The following BTK variants were observed in gnomAD, a reference collection of about 807,000 sequenced individuals.
BTK encodes the protein Bruton tyrosine kinase.
BTK carries 5 observed loss-of-function variants against 57.4 expected under a neutral mutation model. The ratio of observed to expected loss-of-function variants is 0.09; its 90% CI spans 0.05 to 0.18. The LOEUF (loss-of-function observed/expected upper bound fraction) is 0.18. Ranked by LOEUF, BTK falls within the 10% of genes least tolerant of loss-of-function variation. The probability of loss-of-function intolerance (pLI) is 1.00; values close to 1 mark genes in which losing one functional copy is unlikely to be tolerated. For missense variants in BTK, 194 were observed against 501.2 expected, an observed-to-expected ratio of 0.39 and a Z score of 5.85; for synonymous variants, 154 against 174.3, an observed-to-expected ratio of 0.88 and a Z score of 0.92.
In BTK at chrX:101,358,032, G is replaced by A. The variant is rs1555978078; in HGVS notation, c.1102+278C>T. 13 of 458,242 alleles carry A rather than the reference G, an allele frequency of 2.8e-5. No individual in the cohort carries two copies. In the Middle Eastern group the frequency reaches 1.4e-3, roughly 49 times the overall value. The allele number at this position is 458,242 out of a possible 1,213,427, so 37.8% of individuals were successfully genotyped here. ...AACTGAGGAAATCGCTGAGTACACA[G>A]TAGGAACTCAATGAATACTTGCTGA... is the stretch of plus-strand genomic sequence containing the variant. On this transcript the variant is annotated intron_variant, in intron 12 of 18. Transcript: ENST00000308731.
At chrX:101,352,899 CAAAA>C (rs60191867) in intron 18 of BTK, 162 of 167,832 alleles carry the variant, frequency 9.7e-4, no homozygotes, top group Middle Eastern at 4.4e-3. Flanking sequence ...ACTGTGTCAC[CAAAA>C]AAAAAAAAAA....
At chrX:101,379,417 G>A (rs1555981478) in intron 1 of BTK, among the ~76,000 whole-genome samples, 1 of 111,600 alleles carries the variant, frequency 9.0e-6, no homozygotes, top group Admixed American at 9.5e-5. Context: ...TAGGGGGATG[G>A]AATGGAACTT....
At chrX:101,387,312 T>TCCCCTCA (rs1249333909), upstream of BTK, among the ~76,000 whole-genome samples, 68 of 101,109 alleles carry the variant, frequency 6.7e-4, no homozygotes, top group Non-Finnish European at 1.2e-3. Context: ...CTAAGATCCC[T>TCCCCTCA]CCCCTCACCC....
intron 6 of BTK, 99 bp downstream of exon 6, chrX:101,362,462 G>A: frequency 1.7e-6 from 2 of 1,163,131 alleles, no homozygotes; most frequent in East Asian, 3.0e-5. Context: ...AGCACCCAAA[G>A]TGTACAACCT....
intron 1 of BTK, among the ~76,000 whole-genome samples, chrX:101,385,843 G>A (rs1395912548): frequency 9.0e-6 from 1 of 111,159 alleles, no homozygotes; most frequent in Non-Finnish European, 1.9e-5. Context: ...TTCTCTTCCT[G>A]TTCCGCCCAC....
chrX:101,389,367 G>A (rs1298354113), upstream of BTK, among the ~76,000 whole-genome samples: 1 of 111,899 alleles, frequency 8.9e-6, no homozygotes, highest in Non-Finnish European at 1.9e-5. Flanking sequence ...CATGTTCACG[G>A]TCTTCATATT....
intron 16 of BTK, 114 bp from the exon 17 acceptor site, chrX:101,354,102 TCTC>T: frequency 1.7e-6 from 1 of 580,875 alleles, no homozygotes; most frequent in Non-Finnish European, 3.0e-6. Flanking sequence ...CTCAAAAGTC[TCTC>T]CTCCTCAACT....
At chrX:101,360,455 G>T (rs915333256) in intron 8 of BTK, 113 bp downstream of exon 8, 23 of 840,996 alleles carry the variant, frequency 2.7e-5, no homozygotes, top group South Asian at 2.4e-4. Flanking sequence ...TCAGTCTGGT[G>T]TGGGAAGAAC....
At chrX:101,350,449 G>GTT (rs1255601719) in intron 18 of BTK, among the ~76,000 whole-genome samples, 9 of 73,957 alleles carry the variant, frequency 1.2e-4, no homozygotes, top group African/African-American at 2.0e-4. Context: ...AAAGACTAAG[G>GTT]TTTTTTTTTT....
At chrX:101,355,529 T>C (rs1334191571) in intron 15 of BTK, 2 of 129,114 alleles carry the variant, frequency 1.5e-5, no homozygotes, top group Non-Finnish European at 3.1e-5. Flanking sequence ...CGTGAGAATG[T>C]GGACCTGGTA....
chrX:101,363,099 T>G (rs1926724849), intron 5 of BTK, among the ~76,000 whole-genome samples: 1 of 112,281 alleles, frequency 8.9e-6, no homozygotes, highest in African/African-American at 3.2e-5. Flanking sequence ...CTCAGTTCCT[T>G]GAGTGATCTT....
At chrX:101,361,900 A>T (rs1435027507) in intron 7 of BTK, among the ~76,000 whole-genome samples, 3 of 112,796 alleles carry the variant, frequency 2.7e-5, no homozygotes, top group African/African-American at 9.7e-5. Context: ...GTCTCAAAAC[A>T]AAAACAAAAG....
intron 18 of BTK, among the ~76,000 whole-genome samples, chrX:101,352,031 C>T (rs1464382547): frequency 4.6e-5 from 5 of 109,063 alleles, no homozygotes; most frequent in Admixed American, 2.0e-4. Context: ...GGCGTGGTGG[C>T]GGGCCCCTGT....
upstream of BTK, chrX:101,390,606 T>G: frequency 2.0e-6 from 1 of 509,507 alleles, no homozygotes; most frequent in Non-Finnish European, 3.5e-6. Flanking sequence ...ATTAGCAGTT[T>G]GCTGCGAAAG....
chrX:101,383,165 T>A lies in BTK; in HGVS notation c.-31+2897A>T, dbSNP rs371066157. Among the ~76,000 whole-genome samples the A allele has an allele frequency of 7.1e-5, 8 of 112,041 alleles. No homozygotes were observed. In the East Asian group the frequency reaches 1.4e-3, roughly 19 times the overall value. On this transcript the variant is annotated intron_variant, in intron 1 of 18. Transcript: ENST00000308731. Reference sequence around the variant, plus strand: ...TGTGTGTTTCTTATAATATTTGAGATCATATTGCACATTCAGTTAATTTAC... The same window carrying A: ...TGTGTGTTTCTTATAATATTTGAGAACATATTGCACATTCAGTTAATTTAC...
At chrX:101,379,160 AAAAAAAT>A (rs1927321199) in intron 1 of BTK, among the ~76,000 whole-genome samples, 1 of 87,067 alleles carries the variant, frequency 1.1e-5, no homozygotes, top group African/African-American at 5.2e-5. Context: ...GAGTCTCAAA[AAAAAAAT>A]AAAAAATAAA....
rs1555977587 is a variant in BTK at position 101,354,661 on chromosome X, C to T, written c.1600G>A (p.Val534Ile). The change falls in exon 16 of 19, where the codon GTT becomes ATT. Residue 534 changes from valine to isoleucine, a missense_variant. Val to Ile is a conservative substitution (Grantham distance 29). Around this residue, in one of 3 missense-constraint regions of BTK, gnomAD observed 79 missense variants for 217.7 expected, o/e 0.36. Coordinates refer to ENST00000308731, the MANE Select transcript of BTK (RefSeq NM_000061.3). ...AGGCCGAAATCAGATACTTTAACAA[C>T]TCCTTGATCGTTTACCAAACAGTTT... ...ARNCLVNDQG[V>I]VKVSDFGLSR... 4.1e-6 allele frequency: 5 copies of T among 1,210,108 alleles called. No individual in the cohort carries two copies. In the Admixed American group the frequency reaches 1.1e-4, roughly 26 times the overall value.
At chrX:101,374,756 G>A (rs903244462) in intron 2 of BTK, 122 bp from the exon 3 acceptor site, 26 of 604,083 alleles carry the variant, frequency 4.3e-5, no homozygotes, top group Middle Eastern at 4.4e-4. Context: ...GTCATGTGGG[G>A]GAAGAAAAAA....
At chrX:101,368,031 G>A in intron 5 of BTK, among the ~76,000 whole-genome samples, 1 of 111,988 alleles carries the variant, frequency 8.9e-6, no homozygotes, top group East Asian at 2.8e-4. Flanking sequence ...TAGTATATTG[G>A]TTCAGGACAT....
Sources: allele counts gnomAD v4.1 joint callset (sites outside exome capture counted in the v4.1 genomes callset), GRCh38; gene constraint gnomAD v4.1.1; regional missense constraint gnomAD v4.1.1; transcripts MANE v1.5; gene names NCBI Gene and HGNC (gene_info 2026-07-23, HGNC 2026-07-21).